The following PAPPA variants were observed in gnomAD, a reference collection of about 807,000 sequenced individuals.
The protein encoded by PAPPA is pappalysin 1.
PAPPA carries 60 observed loss-of-function variants against 164.0 expected under a neutral mutation model. That is an observed-to-expected ratio of 0.37 (90% CI 0.30 to 0.45). PAPPA has a LOEUF of 0.45. Ranked by LOEUF, PAPPA falls within the 20% of genes least tolerant of loss-of-function variation. PAPPA has a pLI of 1.00. For synonymous variants in PAPPA, 875 were observed against 814.1 expected, an observed-to-expected ratio of 1.07 and a Z score of -1.27; for missense variants, 1,782 against 2,087.3, an observed-to-expected ratio of 0.85 and a Z score of 2.85.
intron 2 of PAPPA, among the ~76,000 whole-genome samples, chr9:116,198,574 G>A (rs771488637): frequency 3.9e-5 from 6 of 152,158 alleles, no homozygotes; most frequent in South Asian, 2.1e-4. Flanking sequence ...TTGCTGTTAC[G>A]GAGAAGTCCA....
intron 7 of PAPPA, among the ~76,000 whole-genome samples, chr9:116,259,077 A>G (rs139009866): frequency 0.017 from 2,617 of 151,978 alleles, 50 homozygotes; most frequent in East Asian, 0.045. Flanking sequence ...AGGTTGCAGT[A>G]AGCCAAGATT....
intron 7 of PAPPA, among the ~76,000 whole-genome samples, chr9:116,261,137 G>C (rs935928159): frequency 6.6e-6 from 1 of 152,164 alleles, no homozygotes; most frequent in Non-Finnish European, 1.5e-5. Flanking sequence ...TGTTCTTTTG[G>C]TTGAGACTGT....
At chr9:116,196,901 A>G (rs1844111881) in intron 2 of PAPPA, among the ~76,000 whole-genome samples, 2 of 152,206 alleles carry the variant, frequency 1.3e-5, no homozygotes, top group Non-Finnish European at 2.9e-5. Flanking sequence ...CTTAGCCTTG[A>G]ACTTGACTTC....
intron 9 of PAPPA, among the ~76,000 whole-genome samples, chr9:116,289,079 G>C (rs139715091): frequency 1.4e-5 from 2 of 145,324 alleles, no homozygotes; most frequent in Non-Finnish European, 3.0e-5. Flanking sequence ...TCAGAATGAC[G>C]GGCTGCTTGT....
At chr9:116,302,651 C>G in intron 9 of PAPPA, 106 bp from the exon 10 acceptor site, 1 of 817,846 alleles carries the variant, frequency 1.2e-6, no homozygotes, top group Non-Finnish European at 2.0e-6. Context: ...ATGGGCTTGA[C>G]AGTACCAATG....
intron 1 of PAPPA, among the ~76,000 whole-genome samples, chr9:116,166,186 G>T (rs965164580): frequency 3.9e-5 from 6 of 152,290 alleles, no homozygotes; most frequent in Admixed American, 2.6e-4. Flanking sequence ...CCTGAGCAAA[G>T]AAGTCAGAAG....
intron 7 of PAPPA, among the ~76,000 whole-genome samples, chr9:116,258,871 C>T (rs768205053): frequency 6.6e-5 from 10 of 151,948 alleles, no homozygotes; most frequent in South Asian, 2.1e-4. Flanking sequence ...TGGTGGCTTA[C>T]GCCTGTAATC....
chr9:116,338,350 G>C (rs1399184018), intron 13 of PAPPA, among the ~76,000 whole-genome samples: 1 of 152,074 alleles, frequency 6.6e-6, no homozygotes, highest in African/African-American at 2.4e-5. Flanking sequence ...GTTTTAAAAG[G>C]CCAACTTTGG....
At chr9:116,220,702 C>T (rs1334652288) in intron 5 of PAPPA, among the ~76,000 whole-genome samples, 2 of 151,602 alleles carry the variant, frequency 1.3e-5, no homozygotes, top group Non-Finnish European at 2.9e-5. Flanking sequence ...GCCTGACCAA[C>T]ACAGTGAAAT....
intron 1 of PAPPA, among the ~76,000 whole-genome samples, chr9:116,170,914 G>A (rs1257467317): frequency 6.6e-6 from 1 of 151,428 alleles, no homozygotes; most frequent in African/African-American, 2.4e-5. Context: ...CATCTTCACT[G>A]AACCTTATGC....
At chr9:116,332,510 A>C (rs56276527) in intron 12 of PAPPA, 42 bp downstream of exon 12, 310,248 of 1,568,612 alleles carry the variant, frequency 0.2, 34,626 homozygotes, top group Non-Finnish European at 0.23. Flanking sequence ...TCAGTACCTG[A>C]TTCCACCTCT....
intron 19 of PAPPA, among the ~76,000 whole-genome samples, chr9:116,375,815 TAATTAA>T (rs1208644733): frequency 6.6e-6 from 1 of 152,224 alleles, no homozygotes; most frequent in Non-Finnish European, 1.5e-5. Context: ...CTTCATTTTT[TAATTAA>T]AATTAATCAA....
At chr9:116,332,568 C>G in intron 12 of PAPPA, 100 bp downstream of exon 12, 1 of 1,051,980 alleles carries the variant, frequency 9.5e-7, no homozygotes, top group Non-Finnish European at 1.4e-6. Flanking sequence ...CTCTTCCTTC[C>G]TTTTTCCCCT....
chr9:116,367,612 C>A (rs770519136), intron 18 of PAPPA, 33 bp from the exon 19 acceptor site: 33 of 1,524,720 alleles, frequency 2.2e-5, no homozygotes, highest in Non-Finnish European at 2.9e-5. Flanking sequence ...GGGTCTCGGG[C>A]CTGAGCTGCG....
chr9:116,187,128 C>A lies in PAPPA; in HGVS notation c.416-26C>A, dbSNP rs1005435610. 7 of 1,504,198 alleles carry A rather than the reference C, an allele frequency of 4.7e-6. No homozygotes were observed. The highest frequency in any genetic ancestry group is 6.4e-6 in the Non-Finnish European group (7 of 1,085,988). 93.2% of individuals were successfully genotyped at this position (1,504,198 alleles called of 1,614,324 possible). ...CCTCCTTTTCCATCCTTTATTTATT[C>A]ATCTTTCTCTTTTGGGGCCACATAG... On this transcript the variant is annotated intron_variant, in intron 1 of 21. Coordinates refer to ENST00000328252, the MANE Select transcript of PAPPA (RefSeq NM_002581.5). This position sits in a 1 kb window ranked among gnomAD's most constrained non-coding sequence, Gnocchi z 4.2.
At chr9:116,365,157 T>A (rs929417479) in intron 18 of PAPPA, among the ~76,000 whole-genome samples, 1 of 152,162 alleles carries the variant, frequency 6.6e-6, no homozygotes, top group African/African-American at 2.4e-5. Flanking sequence ...GAGAGGGATT[T>A]GATCACTGGC....
At position 116,401,594 on chromosome 9, in the gene PAPPA, A is replaced by G. The variant is rs1359603454; in HGVS notation, c.*4978A>G. ...TATATAGTTGTACATATATGTGTGT[A>G]TATATATACTTAAATGTAATATTTA... On this transcript the variant is annotated 3_prime_UTR_variant, in exon 22 of 22. Transcript: ENST00000328252. 2.0e-5 allele frequency: 3 copies of G among 151,304 alleles called. No homozygotes were observed. Among genetic ancestry groups the G allele is most frequent in the Admixed American group, 1.3e-4 (2 of 15,108 alleles). The allele number at this position is 151,304 out of a possible 1,614,324, so 9.4% of individuals were successfully genotyped here.
chr9:116,212,891 A>T (rs1844326052), intron 4 of PAPPA, among the ~76,000 whole-genome samples: 1 of 152,236 alleles, frequency 6.6e-6, no homozygotes, highest in Admixed American at 6.5e-5. Flanking sequence ...GCTCTCTCTC[A>T]TTTAATTCTC....
intron 18 of PAPPA, among the ~76,000 whole-genome samples, chr9:116,366,935 C>A (rs1846508480): frequency 6.6e-6 from 1 of 152,052 alleles, no homozygotes; most frequent in South Asian, 2.1e-4. Context: ...AGGGATGAAA[C>A]CCTGGGGCAA....
Sources: allele counts gnomAD v4.1 joint callset (sites outside exome capture counted in the v4.1 genomes callset), GRCh38; gene constraint gnomAD v4.1.1; non-coding constraint Gnocchi (gnomAD v3.1); transcripts MANE v1.5; gene names NCBI Gene and HGNC (gene_info 2026-07-23, HGNC 2026-07-21).